Variants in FUCA2 observed in about 807,000 individuals in gnomAD.
FUCA2 encodes the protein alpha-L-fucosidase 2, also known as plasma alpha-L-fucosidase.
FUCA2 carries 41 observed loss-of-function variants against 52.6 expected under a neutral mutation model. The ratio of observed to expected loss-of-function variants is 0.78; its 90% confidence interval spans 0.61 to 1.01. The LOEUF is 1.01. FUCA2 is among the 50% of genes least tolerant of loss of function. The pLI is 0.00. For missense variants in FUCA2, 507 were observed against 569.5 expected (o/e 0.89, Z 1.12); for synonymous variants, 211 against 217.3 (o/e 0.97, Z 0.26).
At position 143,500,011 on chromosome 6, in the gene FUCA2, G is replaced by A. The variant is rs1022882865; in HGVS notation, c.1154+1921C>T. Reference sequence around the variant, plus strand: ...TCAGGACACAAGGGTTGACCTTAAAGCCAAAAGTGAGATAATTTTACATTG... The same window carrying A: ...TCAGGACACAAGGGTTGACCTTAAAACCAAAAGTGAGATAATTTTACATTG... On this transcript the variant is annotated intron_variant, in intron 5 of 6. Transcript: ENST00000002165. This position sits in a 1 kb window ranked among gnomAD's most constrained non-coding sequence, Gnocchi z 6.9. Among the ~76,000 whole-genome samples, 1 of 152,088 alleles carries A rather than the reference G, an allele frequency of 6.6e-6. No homozygotes were observed. Among genetic ancestry groups the A allele is most frequent in the Non-Finnish European group, 1.5e-5 (1 of 68,006 alleles).
chr6:143,502,308 C>A lies in FUCA2; in HGVS notation c.963+47G>T. The A allele has an allele frequency of 6.5e-7, 1 of 1,545,912 alleles. No individual in the cohort carries two copies. Among genetic ancestry groups the A allele is most frequent in the Non-Finnish European group, 8.9e-7 (1 of 1,125,678 alleles). The stretch of plus-strand genomic sequence containing the variant: ...AGAAGAAATAATTCCTACATGACCA[C>A]ACTATTAAGAATATTATGTTAATAG... On this transcript the variant is annotated intron_variant, in intron 4 of 6. Transcript: ENST00000002165. The surrounding 1 kb of genome is among the most constrained non-coding windows in gnomAD (Gnocchi z 4.1).
In FUCA2 at chr6:143,502,262, AT is replaced by A; in HGVS notation, c.963+92del. On this transcript the variant is annotated intron_variant, in intron 4 of 6. Transcript: ENST00000002165. This position sits in a 1 kb window ranked among gnomAD's most constrained non-coding sequence, Gnocchi z 4.1. ...AACACAGGATAGAACAATGTCCTAT[AT>A]TTATAGGCCATTGAGCCATAGAAGA... 7.2e-7 allele frequency: 1 copy of A among 1,392,996 alleles called. No individual in the cohort carries two copies. The highest frequency in any genetic ancestry group is 1.3e-5 in the South Asian group (1 of 76,130). The allele number at this position is 1,392,996 out of a possible 1,614,324, so 86.3% of individuals were successfully genotyped here. A position where few individuals can be genotyped will look rare whatever the true frequency, so the allele number is the denominator to read the frequency against.
rs370706578 is a variant in FUCA2 at position 143,502,449 on chromosome 6, T to G, written c.869A>C (p.Lys290Thr). 14 of 1,613,966 alleles carry G rather than the reference T, an allele frequency of 8.7e-6. No homozygotes were observed. The highest frequency in any genetic ancestry group is 1.2e-5 in the Non-Finnish European group (14 of 1,180,000). Residue 290 changes from lysine (K) to threonine (T), a missense_variant, in exon 4 of 7, where the codon AAA becomes ACA. Lys to Thr is a moderately conservative substitution (Grantham distance 78, BLOSUM62 -1). Coordinates refer to ENST00000002165, the MANE Select transcript of FUCA2 (RefSeq NM_032020.5). The surrounding 1 kb of genome is among the most constrained non-coding windows in gnomAD (Gnocchi z 4.1). ...GTCTATTGTCATGCAGTTTTCCCAT[T>G]TATGTGGCAAAAGATGTCCTGGGTT... The part of the protein sequence containing the change: ...RYNPGHLLPH[K>T]WENCMTIDKL...
chr6:143,499,215 G>C lies in FUCA2; in HGVS notation c.1155-1718C>G, dbSNP rs1170967375. The stretch of plus-strand genomic sequence containing the variant: ...TCTGCACTGGAAATAGAAATGTGGA[G>C]ATCATCAATATGGCATTTAAAGCCA... On this transcript the variant is annotated intron_variant, in intron 5 of 6. Coordinates refer to ENST00000002165, the MANE Select transcript of FUCA2 (RefSeq NM_032020.5). The surrounding 1 kb of genome is among the most constrained non-coding windows in gnomAD (Gnocchi z 6.0). Among the ~76,000 whole-genome samples the C allele has an allele frequency of 6.6e-6, 1 of 152,196 alleles. No homozygotes were observed. The highest frequency in any genetic ancestry group is 2.4e-5 in the African/African-American group (1 of 41,440).
In FUCA2 at chr6:143,504,635, G is replaced by C. The variant is rs994540977; in HGVS notation, c.413-383C>G. Reference sequence around the variant, plus strand: ...AACAATAGCAGCTCACAACTAAGATGGGAACATATACATGTACCATGCTAA... The same window carrying C: ...AACAATAGCAGCTCACAACTAAGATCGGAACATATACATGTACCATGCTAA... On this transcript the variant is annotated intron_variant, in intron 2 of 6. Coordinates refer to ENST00000002165, the MANE Select transcript of FUCA2 (RefSeq NM_032020.5). The surrounding 1 kb of genome is among the most constrained non-coding windows in gnomAD (Gnocchi z 4.4). 5.7e-6 allele frequency: 1 copy of C among 175,142 alleles called. No individual in the cohort carries two copies. The highest frequency in any genetic ancestry group is 1.5e-4 in the South Asian group (1 of 6,628). 10.8% of individuals were successfully genotyped at this position (175,142 alleles called of 1,614,324 possible). A position where few individuals can be genotyped will look rare whatever the true frequency, so the allele number is the denominator to read the frequency against.
At chr6:143,508,521 C>T (rs1378453124) in intron 1 of FUCA2, among the ~76,000 whole-genome samples, 2 of 152,232 alleles carry the variant, frequency 1.3e-5, no homozygotes, top group East Asian at 1.9e-4. Flanking sequence ...GCCCAAAAGT[C>T]GTATTTACGT....
Position 143,497,257 on chromosome 6 carries a change from G to T in FUCA2, c.1263+132C>A. ...AATTACAGTGTGAGCCACAATGCTTGGCTGGAGCTCATTTACAATTCCTTT... is the reference window on the plus strand; with the variant it reads ...AATTACAGTGTGAGCCACAATGCTTTGCTGGAGCTCATTTACAATTCCTTT... On this transcript the variant is annotated intron_variant, in intron 6 of 6. Transcript: ENST00000002165. The surrounding 1 kb of genome is among the most constrained non-coding windows in gnomAD (Gnocchi z 5.3). 1 of 656,730 alleles carries T rather than the reference G, an allele frequency of 1.5e-6. No individual in the cohort carries two copies. Among genetic ancestry groups the T allele is most frequent in the Non-Finnish European group, 2.7e-6 (1 of 368,584 alleles). 40.7% of individuals were successfully genotyped at this position (656,730 alleles called of 1,614,324 possible). A position where few individuals can be genotyped will look rare whatever the true frequency, so the allele number is the denominator to read the frequency against.
Position 143,502,822 on chromosome 6 carries a change from A to G in FUCA2, c.753-257T>C, listed in dbSNP as rs1780548569. 1 of 396,828 alleles carries G rather than the reference A, an allele frequency of 2.5e-6. No homozygotes were observed. 24.6% of individuals were successfully genotyped at this position (396,828 alleles called of 1,614,324 possible). A position where few individuals can be genotyped will look rare whatever the true frequency, so the allele number is the denominator to read the frequency against. On this transcript the variant is annotated intron_variant, in intron 3 of 6. Coordinates refer to ENST00000002165, the MANE Select transcript of FUCA2 (RefSeq NM_032020.5). The surrounding 1 kb of genome is among the most constrained non-coding windows in gnomAD (Gnocchi z 4.1). ...GAATTTCCTCATCTATGATTAGAAC[A>G]AAAATAAGTTATGTAAAACATTAGC... is the stretch of plus-strand genomic sequence containing the variant.
At position 143,511,683 on chromosome 6, in the gene FUCA2, G is replaced by T. The variant is rs1367339530; in HGVS notation, c.-49C>A. The T allele has an allele frequency of 5.6e-6, 8 of 1,419,170 alleles. No homozygotes were observed. Among genetic ancestry groups the T allele is most frequent in the Non-Finnish European group, 7.4e-6 (8 of 1,084,490 alleles). The allele number at this position is 1,419,170 out of a possible 1,614,324, so 87.9% of individuals were successfully genotyped here. ...TCTCTGCAGGCTCCCGCGGCCTCGGGAGCGCTGTTCTTCCGTCTCTGCCGC... is the reference window on the plus strand; with the variant it reads ...TCTCTGCAGGCTCCCGCGGCCTCGGTAGCGCTGTTCTTCCGTCTCTGCCGC... On this transcript the variant is annotated 5_prime_UTR_variant, in exon 1 of 7. Coordinates refer to ENST00000002165, the MANE Select transcript of FUCA2 (RefSeq NM_032020.5). This position sits in a 1 kb window ranked among gnomAD's most constrained non-coding sequence, Gnocchi z 6.3.
At position 143,497,384 on chromosome 6, in the gene FUCA2, C is replaced by T; in HGVS notation, c.1263+5G>A. 1 of 1,573,334 alleles carries T rather than the reference C, an allele frequency of 6.4e-7. No individual in the cohort carries two copies. Among genetic ancestry groups the T allele is most frequent in the Non-Finnish European group, 8.7e-7 (1 of 1,142,878 alleles). On this transcript the variant is annotated splice_donor_5th_base_variant and intron_variant, in intron 6 of 6. Transcript: ENST00000002165. The surrounding 1 kb of genome is among the most constrained non-coding windows in gnomAD (Gnocchi z 5.3). ...TTAAAGGAATAAGGTAAAATTCCCTCTTACCTCTGTTGCCCCCAGAATAGC... is the reference window on the plus strand; with the variant it reads ...TTAAAGGAATAAGGTAAAATTCCCTTTTACCTCTGTTGCCCCCAGAATAGC...
In FUCA2 at chr6:143,507,566, TTTAAAGA is replaced by T. The variant is rs1449799900; in HGVS notation, c.225-149_225-143del. 1.1e-5 allele frequency: 7 copies of T among 613,990 alleles called. No individual in the cohort carries two copies. Among genetic ancestry groups the T allele is most frequent in the African/African-American group, 1.9e-5 (1 of 51,402 alleles). The allele number at this position is 613,990 out of a possible 1,614,324, so 38.0% of individuals were successfully genotyped here. ...CACTTCCCCATTAGTTTGACTTGGC[TTTAAAGA>T]TAGCTTATGCAAACTAAACCCCCTC... On this transcript the variant is annotated intron_variant, in intron 1 of 6. Coordinates refer to ENST00000002165, the MANE Select transcript of FUCA2 (RefSeq NM_032020.5). This position sits in a 1 kb window ranked among gnomAD's most constrained non-coding sequence, Gnocchi z 4.5.
Position 143,504,104 on chromosome 6 carries a change from A to G in FUCA2, c.561T>C (p.Phe187=). 2 of 1,614,140 alleles carry G rather than the reference A, an allele frequency of 1.2e-6. No individual in the cohort carries two copies. The highest frequency in any genetic ancestry group is 1.3e-5 in the African/African-American group (1 of 75,042). The change falls in exon 3 of 7, where the codon TTT becomes TTC. Residue 187 remains phenylalanine, a synonymous_variant. Transcript: ENST00000002165. This position sits in a 1 kb window ranked among gnomAD's most constrained non-coding sequence, Gnocchi z 4.4. ...FGLYYSLFEW[F]HPLFLEDESS... ...ATTCATCCTCAAGGAAGAGCGGATG[A>G]AACCATTCAAAAAGGGAATAGTACA...
In FUCA2 at chr6:143,507,521, A is replaced by C. The variant is rs182645697; in HGVS notation, c.225-97T>G. On this transcript the variant is annotated intron_variant, in intron 1 of 6. Transcript: ENST00000002165. The surrounding 1 kb of genome is among the most constrained non-coding windows in gnomAD (Gnocchi z 4.5). Reference sequence around the variant, plus strand: ...CTTACCATTTACCCCTCACACAGATAGGACCCAGATTCTCTTTCTCACTTC... The same window carrying C: ...CTTACCATTTACCCCTCACACAGATCGGACCCAGATTCTCTTTCTCACTTC... 7.1e-6 allele frequency: 6 copies of C among 847,854 alleles called. No homozygotes were observed. Among genetic ancestry groups the C allele is most frequent in the Non-Finnish European group, 8.9e-6 (5 of 562,326 alleles). 52.5% of individuals were successfully genotyped at this position (847,854 alleles called of 1,614,324 possible).
chr6:143,495,665 A>T lies in FUCA2; in HGVS notation c.*42T>A, dbSNP rs1221211326. On this transcript the variant is annotated 3_prime_UTR_variant, in exon 7 of 7. Coordinates refer to ENST00000002165, the MANE Select transcript of FUCA2 (RefSeq NM_032020.5). This position sits in a 1 kb window ranked among gnomAD's most constrained non-coding sequence, Gnocchi z 5.2. ...CAATTATAGACACCTGATAGTTCCT[A>T]GCCTTAGACATAACTTGCAGCATCA... 6.3e-7 allele frequency: 1 copy of T among 1,584,366 alleles called. No individual in the cohort carries two copies. Among genetic ancestry groups the T allele is most frequent in the East Asian group, 2.3e-5 (1 of 44,392 alleles).
rs1463574570 is a variant in FUCA2 at position 143,501,285 on chromosome 6, T to A, written c.1154+647A>T. On this transcript the variant is annotated intron_variant, in intron 5 of 6. Coordinates refer to ENST00000002165, the MANE Select transcript of FUCA2 (RefSeq NM_032020.5). This position sits in a 1 kb window ranked among gnomAD's most constrained non-coding sequence, Gnocchi z 6.1. ...CAAGTAGATTGAAGAACAATTAGTC[T>A]AATCTTTCGGTTCCTATTTGATCAG... Among the ~76,000 whole-genome samples the A allele has an allele frequency of 6.6e-6, 1 of 152,222 alleles. No homozygotes were observed. The highest frequency in any genetic ancestry group is 2.4e-5 in the African/African-American group (1 of 41,456).
chr6:143,497,911 A>G lies in FUCA2; in HGVS notation c.1155-414T>C, dbSNP rs924094572. On this transcript the variant is annotated intron_variant, in intron 5 of 6. Transcript: ENST00000002165. This position sits in a 1 kb window ranked among gnomAD's most constrained non-coding sequence, Gnocchi z 5.3. ...GTGCTCAGTGTTAGAGTTACAATAA[A>G]AAACAAAACACACATAGTCCTTGTT... Among the ~76,000 whole-genome samples the G allele has an allele frequency of 7.2e-5, 11 of 152,244 alleles. No homozygotes were observed. The highest frequency in any genetic ancestry group is 6.2e-4 in the South Asian group (3 of 4,836).
Position 143,502,282 on chromosome 6 carries a change from T to C in FUCA2, c.963+73A>G, listed in dbSNP as rs1005668254. On this transcript the variant is annotated intron_variant, in intron 4 of 6. Transcript: ENST00000002165. This position sits in a 1 kb window ranked among gnomAD's most constrained non-coding sequence, Gnocchi z 4.1. Reference sequence around the variant, plus strand: ...CCTATATTTATAGGCCATTGAGCCATAGAAGAAATAATTCCTACATGACCA... The same window carrying C: ...CCTATATTTATAGGCCATTGAGCCACAGAAGAAATAATTCCTACATGACCA... The C allele has an allele frequency of 2.0e-6, 3 of 1,468,510 alleles. No individual in the cohort carries two copies. The highest frequency in any genetic ancestry group is 1.2e-5 in the South Asian group (1 of 80,414). The allele number at this position is 1,468,510 out of a possible 1,614,324, so 91.0% of individuals were successfully genotyped here. A position where few individuals can be genotyped will look rare whatever the true frequency, so the allele number is the denominator to read the frequency against.
rs1184681186 is a variant in FUCA2 at position 143,504,500 on chromosome 6, A to G, written c.413-248T>C. The G allele has an allele frequency of 6.9e-6, 3 of 432,962 alleles. No homozygotes were observed. The highest frequency in any genetic ancestry group is 6.2e-4 in the Middle Eastern group (1 of 1,602). The allele number at this position is 432,962 out of a possible 1,614,324, so 26.8% of individuals were successfully genotyped here. On this transcript the variant is annotated intron_variant, in intron 2 of 6. Transcript: ENST00000002165. This position sits in a 1 kb window ranked among gnomAD's most constrained non-coding sequence, Gnocchi z 4.4. Reference sequence around the variant, plus strand: ...GGTATATCACTGTACGGTCTGATCTATCTCCAGTATTTTCCCTCTTAGATT... The same window carrying G: ...GGTATATCACTGTACGGTCTGATCTGTCTCCAGTATTTTCCCTCTTAGATT...
chr6:143,509,181 A>T lies in FUCA2; in HGVS notation c.225-1757T>A, dbSNP rs1264983607. ...GAATTTCATGCTGAGAGATGAAAAG[A>T]GGCATTTATGGTAAAGGTCTATCAT... On this transcript the variant is annotated intron_variant, in intron 1 of 6. Coordinates refer to ENST00000002165, the MANE Select transcript of FUCA2 (RefSeq NM_032020.5). The surrounding 1 kb of genome is among the most constrained non-coding windows in gnomAD (Gnocchi z 5.4). Among the ~76,000 whole-genome samples, 2 of 152,216 alleles carry T rather than the reference A, an allele frequency of 1.3e-5. No homozygotes were observed. Among genetic ancestry groups the T allele is most frequent in the Non-Finnish European group, 2.9e-5 (2 of 68,044 alleles).
Sources: allele counts gnomAD v4.1 joint callset (sites outside exome capture counted in the v4.1 genomes callset), GRCh38; gene constraint gnomAD v4.1.1; non-coding constraint Gnocchi (gnomAD v3.1); transcripts MANE v1.5; gene names NCBI Gene and HGNC (gene_info 2026-07-23, HGNC 2026-07-21).